The following ZNF629 variants were observed in gnomAD, a reference collection of about 807,000 sequenced individuals.
ZNF629 encodes zinc finger protein 629.
In ZNF629, 9 loss-of-function variants were observed where a neutral mutation model predicts 59.7. That is an observed-to-expected ratio of 0.15 (90% CI 0.09 to 0.26). The LOEUF is 0.26. Among genes scored for constraint, ZNF629 ranks in the 10% least tolerant of loss-of-function variants. ZNF629 has a pLI of 1.00. For synonymous variants in ZNF629, 509 were observed against 498.9 expected, an observed-to-expected ratio of 1.02 and a Z score of -0.27; for missense variants, 853 against 1,165.4, an observed-to-expected ratio of 0.73 and a Z score of 3.90.
In ZNF629 at chr16:30,783,899, C is replaced by T; in HGVS notation, c.429G>A (p.Pro143=). Residue 143 remains proline (P), a synonymous_variant, in exon 3 of 3, where the codon CCG becomes CCA. Transcript: ENST00000262525. ...AGATGTAGGGCTTCTCCGCCCCCGC[C>T]GGGCGGCCCTGCACCAGCTCCCGCA... ...PSLRELVQGR[P]AGAEKPYICN... 1.3e-6 allele frequency: 2 copies of T among 1,597,672 alleles called. No individual in the cohort carries two copies. Among genetic ancestry groups the T allele is most frequent in the South Asian group, 1.1e-5 (1 of 88,866 alleles).
chr16:30,784,541 C>T, intron 1 of ZNF629, 26 bp from the exon 2 acceptor site: 1 of 1,470,514 alleles, frequency 6.8e-7, no homozygotes. Context: ...GCGATGAGCG[C>T]ACACTGGGAG....
rs954531887 is a variant in ZNF629, at chr16:30,786,462, G to A, written c.-34+566C>T. ...GGACGTGGGAAGACCGAGGGAGGCC[G>A]AGGCGCTGGGAGCCCAGGCGCCAGG... On this transcript the variant is annotated intron_variant, in intron 1 of 2. Coordinates refer to ENST00000262525, the MANE Select transcript of ZNF629 (RefSeq NM_001080417.3). This position sits in a 1 kb window ranked among gnomAD's most constrained non-coding sequence, Gnocchi z 4.8. Among the ~76,000 whole-genome samples, 1 of 152,192 alleles carries A rather than the reference G, an allele frequency of 6.6e-6. No individual in the cohort carries two copies. Among genetic ancestry groups the A allele is most frequent in the African/African-American group, 2.4e-5 (1 of 41,446 alleles).
rs916610132 is a variant in ZNF629, at chr16:30,780,568, C to G, written c.*1150G>C. 9 of 152,512 alleles carry G rather than the reference C, an allele frequency of 5.9e-5. No homozygotes were observed. The highest frequency in any genetic ancestry group is 1.2e-4 in the Non-Finnish European group (8 of 68,020). 9.4% of individuals were successfully genotyped at this position (152,512 alleles called of 1,614,324 possible). ...ATTTGAGGAAATGAGCTGCCACTGG[C>G]GGCAGTTAGATTTCAGGAAAAACCT... On this transcript the variant is annotated 3_prime_UTR_variant, in exon 3 of 3. Transcript: ENST00000262525.
Position 30,786,826 on chromosome 16 carries a change from CCCCCGCCACCGA to C in ZNF629, c.-34+190_-34+201del, listed in dbSNP as rs2054337592. 6.6e-6 allele frequency among the ~76,000 whole-genome samples: 1 copy of C among 151,920 alleles called. No homozygotes were observed. The highest frequency in any genetic ancestry group is 2.1e-4 in the South Asian group (1 of 4,822). The stretch of plus-strand genomic sequence containing the variant: ...CTTCCCAGAATCCCCAGGCTCCCCT[CCCCCGCCACCGA>C]CCCCCGCGCTTCCCAGAATCCTCGG... On this transcript the variant is annotated intron_variant, in intron 1 of 2. Transcript: ENST00000262525. This position sits in a 1 kb window ranked among gnomAD's most constrained non-coding sequence, Gnocchi z 4.8.
At position 30,782,934 on chromosome 16, in the gene ZNF629, T is replaced by G; in HGVS notation, c.1394A>C (p.Lys465Thr). ...AAGGTGGGAGCTGCGGATGAAGCTC[T>G]TGCCGCAGTCGGAACACTTGTAGGG... Reference protein sequence around the residue: ...EKPYKCSDCGKSFIRSSHLIQ... With the variant: ...EKPYKCSDCGTSFIRSSHLIQ... Residue 465 changes from lysine (K) to threonine (T), a missense_variant, in exon 3 of 3, where the codon AAG (lysine) becomes ACG (threonine). By Grantham distance (78) the Lys-to-Thr change is moderately conservative (BLOSUM62 -1). Around this residue, in one of 3 missense-constraint regions of ZNF629, gnomAD observed 201 missense variants for 536.5 expected, o/e 0.37. Transcript: ENST00000262525. 6.2e-7 allele frequency: 1 copy of G among 1,613,730 alleles called. No individual in the cohort carries two copies. Among genetic ancestry groups the G allele is most frequent in the Non-Finnish European group, 8.5e-7 (1 of 1,179,934 alleles).
At position 30,781,709 on chromosome 16, in the gene ZNF629, A is replaced by T; in HGVS notation, c.*9T>A. The T allele has an allele frequency of 6.2e-7, 1 of 1,601,978 alleles. No individual in the cohort carries two copies. The highest frequency in any genetic ancestry group is 8.5e-7 in the Non-Finnish European group (1 of 1,174,756). ...GGAGAGAGCGAGGCCCCTGGTCTCCAGACCCATTTCACAGGGAGACACCTG... is the reference window on the plus strand; with the variant it reads ...GGAGAGAGCGAGGCCCCTGGTCTCCTGACCCATTTCACAGGGAGACACCTG... On this transcript the variant is annotated 3_prime_UTR_variant, in exon 3 of 3. Coordinates refer to ENST00000262525, the MANE Select transcript of ZNF629 (RefSeq NM_001080417.3).
rs901740070 is a variant in ZNF629, at chr16:30,786,869, C to T, written c.-34+159G>A. ...GCGCTTCCCAGAATCCTCGGCCCTC[C>T]GCGCCCCCCGCCCGCCCCCACCCCG... On this transcript the variant is annotated intron_variant, in intron 1 of 2. Transcript: ENST00000262525. The surrounding 1 kb of genome is among the most constrained non-coding windows in gnomAD (Gnocchi z 4.8). 4.0e-5 allele frequency among the ~76,000 whole-genome samples: 6 copies of T among 151,632 alleles called. No individual in the cohort carries two copies. The highest frequency in any genetic ancestry group is 1.5e-4 in the African/African-American group (6 of 41,304).
chr16:30,784,277 C>T (rs752628024), intron 2 of ZNF629, 23 bp from the exon 3 acceptor site: 6 of 1,579,378 alleles, frequency 3.8e-6, no homozygotes, highest in South Asian at 2.3e-5. Context: ...AGGGAGTCTA[C>T]AGCCCCCAGC....
intron 1 of ZNF629, among the ~76,000 whole-genome samples, chr16:30,785,039 G>T (rs1420339941): frequency 6.6e-6 from 1 of 152,176 alleles, no homozygotes; most frequent in African/African-American, 2.4e-5. Context: ...GGAGACAGAG[G>T]CCCTCTAAAA....
chr16:30,783,002 G>A lies in ZNF629; in HGVS notation c.1326C>T (p.Ser442=). ...CADCGKSFIM[S]STLIRHQRIH... ...TGCGCTGGTGGCGGATAAGGGTGGA[G>A]CTCATGATGAAGCTCTTGCCGCAGT... Residue 442 remains serine (S), a synonymous_variant, in exon 3 of 3, where the codon AGC becomes AGT. Transcript: ENST00000262525. 2 of 1,614,128 alleles carry A rather than the reference G, an allele frequency of 1.2e-6. No homozygotes were observed. Among genetic ancestry groups the A allele is most frequent in the Non-Finnish European group, 8.5e-7 (1 of 1,180,000 alleles).
In ZNF629 at chr16:30,784,119, G is replaced by A. The variant is rs1279281470; in HGVS notation, c.209C>T (p.Pro70Leu). 1.2e-6 allele frequency: 2 copies of A among 1,608,468 alleles called. No homozygotes were observed. The highest frequency in any genetic ancestry group is 1.7e-6 in the Non-Finnish European group (2 of 1,178,834). Residue 70 changes from proline (P) to leucine (L), a missense_variant, in exon 3 of 3, where the codon CCC becomes CTC. Around this residue, in one of 3 missense-constraint regions of ZNF629, gnomAD observed 232 missense variants for 193.4 expected, o/e 1.20. Coordinates refer to ENST00000262525, the MANE Select transcript of ZNF629 (RefSeq NM_001080417.3). ...EMSLERSSQD[P>L]SVPQNPPTPL... ...GGTTGGGGGGTTCTGGGGGACAGAG[G>A]GGTCCTGGGAGGATCTCTCCAGGGA...
intron 1 of ZNF629, among the ~76,000 whole-genome samples, chr16:30,785,891 T>TAAATAAATAAATAAAA (rs1034349260): frequency 1.5e-3 from 228 of 150,178 alleles, no homozygotes; most frequent in African/African-American, 5.0e-3. Flanking sequence ...AATAAATAAA[T>TAAATAAATAAATAAAA]AAAAACAGCC....
rs772389150 is a variant in ZNF629 at position 30,781,717 on chromosome 16, T to TGAAA, written c.2610_*1insTTTC. ...CGAGGCCCCTGGTCTCCAGACCCAT[T>TGAAA]TCACAGGGAGACACCTGGGTGGCAG... is the stretch of plus-strand genomic sequence containing the variant. On this transcript the variant is annotated 3_prime_UTR_variant, in exon 3 of 3. Transcript: ENST00000262525. 40 of 1,605,356 alleles carry TGAAA rather than the reference T, an allele frequency of 2.5e-5. No individual in the cohort carries two copies. Among genetic ancestry groups the TGAAA allele is most frequent in the Non-Finnish European group, 3.1e-5 (36 of 1,176,168 alleles).
Position 30,781,515 on chromosome 16 carries a change from C to G in ZNF629, c.*203G>C, listed in dbSNP as rs2054280604. ...TTTCTAACCCAACAGTTTTTCTCTACTGCCTTATAAGTGCTTCCCACCAAC... is the reference window on the plus strand; with the variant it reads ...TTTCTAACCCAACAGTTTTTCTCTAGTGCCTTATAAGTGCTTCCCACCAAC... On this transcript the variant is annotated 3_prime_UTR_variant, in exon 3 of 3. Transcript: ENST00000262525. The G allele has an allele frequency of 2.3e-6, 1 of 425,892 alleles. No individual in the cohort carries two copies. Among genetic ancestry groups the G allele is most frequent in the Non-Finnish European group, 4.0e-6 (1 of 247,152 alleles). The allele number at this position is 425,892 out of a possible 1,614,324, so 26.4% of individuals were successfully genotyped here.
rs1054699942 is a variant in ZNF629, at chr16:30,778,491, A to T, written c.*3227T>A. On this transcript the variant is annotated 3_prime_UTR_variant, in exon 3 of 3. Transcript: ENST00000262525. The stretch of plus-strand genomic sequence containing the variant: ...TCCCTTTATTCTCTTCAACTAAGCA[A>T]CATGACCACCAGTGACACAACACTG... The T allele has an allele frequency of 1.3e-5, 2 of 152,712 alleles. No homozygotes were observed. Among genetic ancestry groups the T allele is most frequent in the African/African-American group, 4.8e-5 (2 of 41,454 alleles). The allele number at this position is 152,712 out of a possible 1,614,324, so 9.5% of individuals were successfully genotyped here.
At position 30,787,010 on chromosome 16, in the gene ZNF629, C is replaced by T. The variant is rs908621575; in HGVS notation, c.-34+18G>A. 1 of 152,636 alleles carries T rather than the reference C, an allele frequency of 6.6e-6. No individual in the cohort carries two copies. The highest frequency in any genetic ancestry group is 2.4e-5 in the African/African-American group (1 of 41,564). The allele number at this position is 152,636 out of a possible 1,614,324, so 9.5% of individuals were successfully genotyped here. On this transcript the variant is annotated intron_variant, in intron 1 of 2. Transcript: ENST00000262525. ...CACTCCAGGCCACCCCCCGGGAACC[C>T]AGGCGTCCCCAACTCACGGCTCTGG... is the stretch of plus-strand genomic sequence containing the variant.
At chr16:30,785,358 G>A (rs1408257363) in intron 1 of ZNF629, among the ~76,000 whole-genome samples, 1 of 152,182 alleles carries the variant, frequency 6.6e-6, no homozygotes, top group African/African-American at 2.4e-5. Flanking sequence ...GCAGAGCTAA[G>A]ATGATAAAAG....
Position 30,782,679 on chromosome 16 carries a change from C to T in ZNF629, c.1649G>A (p.Ser550Asn). Residue 550 changes from serine (S) to asparagine (N), a missense_variant, in exon 3 of 3, where the codon AGC (serine) becomes AAC (asparagine). By Grantham distance (46) the Ser-to-Asn change is conservative. Transcript: ENST00000262525. ...KTPARRAQGDSLLGLGDPSLL... is the reference protein window; with the variant it reads ...KTPARRAQGDNLLGLGDPSLL... ...GGAGGGGTCCCCGAGCCCCAGCAGG[C>T]TGTCGCCCTGGGCCCTACGCGCTGG... The T allele has an allele frequency of 6.2e-7, 1 of 1,600,458 alleles. No individual in the cohort carries two copies. The highest frequency in any genetic ancestry group is 8.5e-7 in the Non-Finnish European group (1 of 1,173,798).
rs1218741913 is a variant in ZNF629 at position 30,779,313 on chromosome 16, AAC to A, written c.*2403_*2404del. 2 of 152,132 alleles carry A rather than the reference AAC, an allele frequency of 1.3e-5. No individual in the cohort carries two copies. The highest frequency in any genetic ancestry group is 2.9e-5 in the Non-Finnish European group (2 of 68,026). The allele number at this position is 152,132 out of a possible 1,614,324, so 9.4% of individuals were successfully genotyped here. A position where few individuals can be genotyped will look rare whatever the true frequency, so the allele number is the denominator to read the frequency against. ...AGCTGCTCCCCAGGCCTCTTCTGGGAACAGATTCCTTAGGCCTGTTTTTGAGA... is the reference window on the plus strand; with the variant it reads ...AGCTGCTCCCCAGGCCTCTTCTGGGAAGATTCCTTAGGCCTGTTTTTGAGA... On this transcript the variant is annotated 3_prime_UTR_variant, in exon 3 of 3. Transcript: ENST00000262525.
Sources: allele counts gnomAD v4.1 joint callset (sites outside exome capture counted in the v4.1 genomes callset), GRCh38; gene constraint gnomAD v4.1.1; regional missense constraint gnomAD v4.1.1; non-coding constraint Gnocchi (gnomAD v3.1); transcripts MANE v1.5; gene names NCBI Gene and HGNC (gene_info 2026-07-23, HGNC 2026-07-21).